The following VPS54 variants were observed in gnomAD, a reference collection of about 807,000 sequenced individuals.
VPS54 encodes vacuolar protein sorting-associated protein 54.
VPS54 carries 45 observed loss-of-function variants against 121.5 expected under a neutral mutation model. The observed-to-expected ratio is 0.37, with a 90% CI of 0.29 to 0.47. The LOEUF is 0.47. Among genes scored for constraint, VPS54 ranks in the 20% least tolerant of loss-of-function variants. The pLI is 0.99. For missense variants in VPS54, 1,090 were observed against 1,131.4 expected, an observed-to-expected ratio of 0.96 and a Z score of 0.52; for synonymous variants, 371 against 385.8, an observed-to-expected ratio of 0.96 and a Z score of 0.45.
chr2:63,914,860 G>A (rs150281571), intron 16 of VPS54, among the ~76,000 whole-genome samples: 37 of 152,084 alleles, frequency 2.4e-4, no homozygotes, highest in African/African-American at 7.7e-4. Flanking sequence ...CTGGCTGGGC[G>A]CGGTGGCTCA....
intron 1 of VPS54, among the ~76,000 whole-genome samples, chr2:64,015,687 T>C (rs1318328631): frequency 6.6e-6 from 1 of 152,142 alleles, no homozygotes; most frequent in Non-Finnish European, 1.5e-5. Context: ...TTGTTTTAGA[T>C]GTTAGGGCAC....
chr2:63,971,579 A>C (rs1055886762), intron 4 of VPS54, among the ~76,000 whole-genome samples: 1 of 152,218 alleles, frequency 6.6e-6, no homozygotes, highest in African/African-American at 2.4e-5. Flanking sequence ...GTCTTCTCCC[A>C]CATAAATGTT....
chr2:63,999,170 C>CA (rs1677752403), intron 1 of VPS54, among the ~76,000 whole-genome samples: 1 of 152,064 alleles, frequency 6.6e-6, no homozygotes, highest in Non-Finnish European at 1.5e-5. Context: ...GGCTAGTCTT[C>CA]AACTCCTGAC....
intron 10 of VPS54, 48 bp downstream of exon 10, chr2:63,944,552 T>A: frequency 2.0e-6 from 3 of 1,494,946 alleles, no homozygotes; most frequent in Non-Finnish European, 2.8e-6. Flanking sequence ...TTTACATCTA[T>A]CATCTTTTCT....
In VPS54 at chr2:63,934,448, A is replaced by G. The variant is rs142054528; in HGVS notation, c.1399-435T>C. Among the ~76,000 whole-genome samples, 5 of 151,760 alleles carry G rather than the reference A, an allele frequency of 3.3e-5. No homozygotes were observed. In the East Asian group the frequency reaches 9.7e-4, roughly 29 times the overall value. On this transcript the variant is annotated intron_variant, in intron 11 of 22. Transcript: ENST00000272322. Reference sequence around the variant, plus strand: ...TCGTATCTTCTCTCACTTATTCACTACTCTCCAGACATTCTAGTTCTCTTT... The same window carrying G: ...TCGTATCTTCTCTCACTTATTCACTGCTCTCCAGACATTCTAGTTCTCTTT...
intron 1 of VPS54, among the ~76,000 whole-genome samples, chr2:63,989,365 C>T (rs748708179): frequency 3.3e-5 from 5 of 152,142 alleles, no homozygotes; most frequent in African/African-American, 7.2e-5. Flanking sequence ...CTAATAAAAA[C>T]TTGCTGGATT....
chr2:63,935,146 C>A (rs1427037957), intron 11 of VPS54, among the ~76,000 whole-genome samples: 1 of 152,112 alleles, frequency 6.6e-6, no homozygotes, highest in Non-Finnish European at 1.5e-5. Context: ...CTTGATGACA[C>A]CAACAACCTC....
intron 9 of VPS54, among the ~76,000 whole-genome samples, chr2:63,946,665 G>C (rs1674993730): frequency 6.6e-6 from 1 of 151,830 alleles, no homozygotes; most frequent in Admixed American, 6.6e-5. Context: ...TTAAAAAACT[G>C]AAGTTCAGTG....
Position 63,949,152 on chromosome 2 carries a change from G to C in VPS54, c.1022C>G (p.Ser341Ter), listed in dbSNP as rs1176646131. 6.2e-7 allele frequency: 1 copy of C among 1,606,724 alleles called. No homozygotes were observed. The change falls in exon 8 of 23, where the codon TCA becomes TGA. Residue 341 changes from serine (S) to a stop codon, truncating the protein, a stop_gained. Coordinates refer to ENST00000272322, the MANE Select transcript of VPS54 (RefSeq NM_016516.3). LOFTEE classifies it high-confidence loss of function. ...QGIHSFRHLG[S>*]QLCELEKLID... is the part of the protein sequence containing the mutation. The stretch of plus-strand genomic sequence containing the variant: ...CAGTTTTTCTAATTCACAAAGCTGT[G>C]ATCCCAAATGCCTAAAAAGGAAGAG...
intron 1 of VPS54, among the ~76,000 whole-genome samples, chr2:63,988,089 T>G (rs1677139629): frequency 6.6e-6 from 1 of 152,220 alleles, no homozygotes; most frequent in Non-Finnish European, 1.5e-5. Context: ...GCATCCTTGC[T>G]GTGTTTCAGA....
chr2:64,005,764 CCA>C (rs1275081299), intron 1 of VPS54, among the ~76,000 whole-genome samples: 5 of 152,090 alleles, frequency 3.3e-5, no homozygotes, highest in Non-Finnish European at 5.9e-5. Context: ...CGGTTGAGAA[CCA>C]CTGAGTTAGG....
At chr2:63,993,710 G>C (rs553087477) in intron 1 of VPS54, among the ~76,000 whole-genome samples, 1 of 152,186 alleles carries the variant, frequency 6.6e-6, no homozygotes, top group South Asian at 2.1e-4. Flanking sequence ...TGGCATTATT[G>C]ACATTCATTA....
At chr2:63,959,384 A>G (rs1372594201) in intron 7 of VPS54, among the ~76,000 whole-genome samples, 2 of 152,202 alleles carry the variant, frequency 1.3e-5, no homozygotes, top group East Asian at 1.9e-4. Flanking sequence ...ATAAATTGCT[A>G]TATGTTTATT....
intron 11 of VPS54, among the ~76,000 whole-genome samples, chr2:63,942,132 T>C (rs1049902540): frequency 2.0e-5 from 3 of 151,750 alleles, no homozygotes; most frequent in African/African-American, 4.8e-5. Flanking sequence ...GAAAAATTGA[T>C]AGTTTGGGGT....
chr2:64,004,635 T>C (rs543493624), intron 1 of VPS54, among the ~76,000 whole-genome samples: 4 of 152,360 alleles, frequency 2.6e-5, no homozygotes, highest in Non-Finnish European at 5.9e-5. Flanking sequence ...TTAAGCTTTA[T>C]TGTCCTGTGG....
chr2:63,999,715 A>C (rs773907584), intron 1 of VPS54, among the ~76,000 whole-genome samples: 3 of 152,144 alleles, frequency 2.0e-5, no homozygotes, highest in African/African-American at 7.2e-5. Context: ...CTTTACAGAC[A>C]ATAACTCTTA....
intron 22 of VPS54, among the ~76,000 whole-genome samples, chr2:63,894,585 C>A (rs952013698): frequency 6.6e-6 from 1 of 151,778 alleles, no homozygotes; most frequent in Non-Finnish European, 1.5e-5. Flanking sequence ...CACCTGTAGT[C>A]GCAGTTATTG....
rs942239092 is a variant in VPS54 at position 63,894,547 on chromosome 2, A to T, written c.2829-1012T>A. On this transcript the variant is annotated intron_variant, in intron 22 of 22. Transcript: ENST00000272322. ...TGAGACCTCGTCTCTACAAAAAATT[A>T]AAAAAATTAGCTGGGTGTGGTGCCA... Among the ~76,000 whole-genome samples, 8 of 151,986 alleles carry T rather than the reference A, an allele frequency of 5.3e-5. No homozygotes were observed. The East Asian group carries it at 7.7e-4, about 15-fold the overall frequency.
In VPS54 at chr2:63,913,319, AG is replaced by A; in HGVS notation, c.2335-10del. On this transcript the variant is annotated splice_polypyrimidine_tract_variant and intron_variant, in intron 17 of 22. Coordinates refer to ENST00000272322, the MANE Select transcript of VPS54 (RefSeq NM_016516.3). ...CTTCTTGAATTGAAGTACTAACAAA[AG>A]AAGGAGAAAAAAACCCCAAAATTTA... 6.2e-7 allele frequency: 1 copy of A among 1,603,772 alleles called. No individual in the cohort carries two copies. The highest frequency in any genetic ancestry group is 8.5e-7 in the Non-Finnish European group (1 of 1,176,102).
Sources: gnomAD v4.1 joint callset for allele counts (sites outside exome capture counted in the v4.1 genomes callset) on GRCh38, gnomAD v4.1.1 for gene constraint, MANE v1.5 for transcripts, NCBI Gene and HGNC (gene_info 2026-07-23, HGNC 2026-07-21) for gene names.